The following GRM5 variants were observed in gnomAD, a reference collection of about 807,000 sequenced individuals.
GRM5 encodes the protein glutamate metabotropic receptor 5.
A neutral mutation model predicts 83.1 loss-of-function variants in GRM5; 19 were observed. The ratio of observed to expected loss-of-function variants is 0.23; its 90% CI spans 0.16 to 0.34. The LOEUF is 0.34. Among genes scored for constraint, GRM5 ranks in the 10% least tolerant of loss-of-function variants. The pLI is 1.00. For missense variants in GRM5, 1,160 were observed against 1,588.3 expected (o/e 0.73, Z 4.58); for synonymous variants, 675 against 633.6 (o/e 1.07, Z -0.98).
chr11:88,627,692 T>C (rs1938840851), intron 4 of GRM5, among the ~76,000 whole-genome samples: 1 of 152,138 alleles, frequency 6.6e-6, no homozygotes, highest in African/African-American at 2.4e-5. Context: ...CACCCTTGTC[T>C]TCTCCCTTTC....
intron 3 of GRM5, among the ~76,000 whole-genome samples, chr11:88,677,127 G>A (rs1221757879): frequency 1.3e-5 from 2 of 151,968 alleles, no homozygotes; most frequent in African/African-American, 4.8e-5. Flanking sequence ...GTCCAGTAAA[G>A]TTAATTTTAC....
At chr11:88,986,684 T>G (rs143768909) in intron 2 of GRM5, among the ~76,000 whole-genome samples, 1 of 149,844 alleles carries the variant, frequency 6.7e-6, no homozygotes, top group East Asian at 2.0e-4. Flanking sequence ...TCCTTTGCTG[T>G]ACAGAAATTT....
chr11:88,552,074 G>A (rs181801047), intron 8 of GRM5, among the ~76,000 whole-genome samples: 8 of 150,496 alleles, frequency 5.3e-5, no homozygotes, highest in Admixed American at 2.6e-4. Context: ...GCCCAGGCTG[G>A]AGTGCAGTGG....
intron 3 of GRM5, among the ~76,000 whole-genome samples, chr11:88,782,623 A>AT (rs1942995539): frequency 6.6e-6 from 1 of 152,060 alleles, no homozygotes. Flanking sequence ...ATATCACCTT[A>AT]TATATATTGG....
At chr11:88,602,369 A>G (rs1361206417) in intron 5 of GRM5, among the ~76,000 whole-genome samples, 2 of 152,206 alleles carry the variant, frequency 1.3e-5, no homozygotes, top group Non-Finnish European at 2.9e-5. Context: ...TAGTAGACTA[A>G]TCAGATGAGA....
chr11:88,634,892 G>A (rs1001173007), intron 4 of GRM5, among the ~76,000 whole-genome samples: 3 of 152,118 alleles, frequency 2.0e-5, no homozygotes, highest in Non-Finnish European at 4.4e-5. Context: ...ACATCACTAG[G>A]CAACAATAAT....
At chr11:88,528,595 T>G (rs2135113588) in intron 8 of GRM5, among the ~76,000 whole-genome samples, 1 of 152,194 alleles carries the variant, frequency 6.6e-6, no homozygotes, top group Admixed American at 6.5e-5. Flanking sequence ...AAATTTCATT[T>G]CTTTTACATA....
At chr11:88,751,200 G>A (rs1808046880) in intron 3 of GRM5, among the ~76,000 whole-genome samples, 2 of 148,274 alleles carry the variant, frequency 1.3e-5, no homozygotes, top group African/African-American at 5.0e-5. Flanking sequence ...TAATAAAACA[G>A]ACCACTAGCT....
At chr11:88,701,133 T>G (rs921890895) in intron 3 of GRM5, among the ~76,000 whole-genome samples, 2 of 152,142 alleles carry the variant, frequency 1.3e-5, no homozygotes. Flanking sequence ...CCTTTTAGAT[T>G]TAGCTGCCAC....
chr11:88,979,489 A>C (rs1381665310), intron 2 of GRM5, among the ~76,000 whole-genome samples: 1 of 152,196 alleles, frequency 6.6e-6, no homozygotes, highest in Admixed American at 6.5e-5. Flanking sequence ...TATTACAAAA[A>C]TATTAATCCT....
At chr11:88,536,898 G>GAAAAACTT (rs1942147566) in intron 8 of GRM5, among the ~76,000 whole-genome samples, 1 of 152,062 alleles carries the variant, frequency 6.6e-6, no homozygotes, top group Non-Finnish European at 1.5e-5. Flanking sequence ...CATTATTATA[G>GAAAAACTT]AAAAACTTTC....
intron 3 of GRM5, among the ~76,000 whole-genome samples, chr11:88,847,254 C>T (rs1351698371): frequency 6.6e-6 from 1 of 152,072 alleles, no homozygotes; most frequent in Non-Finnish European, 1.5e-5. Context: ...CTTATATGAC[C>T]TTCTATCTAA....
At chr11:88,556,003 A>G (rs1365193006) in intron 8 of GRM5, among the ~76,000 whole-genome samples, 1 of 152,110 alleles carries the variant, frequency 6.6e-6, no homozygotes, top group African/African-American at 2.4e-5. Flanking sequence ...AAACTCACAA[A>G]CCGCCTTTAA....
chr11:88,772,849 T>C (rs976725300), intron 3 of GRM5, among the ~76,000 whole-genome samples: 2 of 152,228 alleles, frequency 1.3e-5, no homozygotes, highest in Admixed American at 6.5e-5. Flanking sequence ...CAGTCTATCA[T>C]TGATGGACAT....
intron 2 of GRM5, among the ~76,000 whole-genome samples, chr11:89,013,384 A>G (rs1393001142): frequency 6.6e-6 from 1 of 152,192 alleles, no homozygotes; most frequent in Non-Finnish European, 1.5e-5. Flanking sequence ...TTATAGCTTT[A>G]AAAGCACAAG....
chr11:88,804,113 T>C (rs1751055610), intron 3 of GRM5, among the ~76,000 whole-genome samples: 2 of 152,178 alleles, frequency 1.3e-5, no homozygotes, highest in Admixed American at 6.5e-5. Flanking sequence ...TCAACCCTTG[T>C]GGAAGTCAGT....
intron 1 of GRM5, among the ~76,000 whole-genome samples, chr11:89,053,844 C>G (rs1941813909): frequency 6.6e-6 from 1 of 152,160 alleles, no homozygotes. Flanking sequence ...AGAGAAACAA[C>G]ATTCCAGGTA....
rs1056564488 is a variant in GRM5 at position 88,666,212 on chromosome 11, C to T, written c.912-12809G>A. Among the ~76,000 whole-genome samples the T allele has an allele frequency of 2.6e-5, 4 of 152,246 alleles. No individual in the cohort carries two copies. In the East Asian group the frequency reaches 5.8e-4, roughly 22 times the overall value. On this transcript the variant is annotated intron_variant, in intron 3 of 9. Coordinates refer to ENST00000305447, the MANE Select transcript of GRM5 (RefSeq NM_001143831.3). Reference sequence around the variant, plus strand: ...TTGTAATTGTTCATTAGTCTATTTCCTGTTGTTTATAAGAGAATGCCCACA... The same window carrying T: ...TTGTAATTGTTCATTAGTCTATTTCTTGTTGTTTATAAGAGAATGCCCACA...
At chr11:88,765,994 A>G (rs1460467372) in intron 3 of GRM5, among the ~76,000 whole-genome samples, 5 of 151,808 alleles carry the variant, frequency 3.3e-5, no homozygotes, top group African/African-American at 1.2e-4. Context: ...ACTCAACAAC[A>G]AAATCACTCT....
Sources: allele counts gnomAD v4.1 joint callset (sites outside exome capture counted in the v4.1 genomes callset), GRCh38; gene constraint gnomAD v4.1.1; transcripts MANE v1.5; gene names NCBI Gene and HGNC (gene_info 2026-07-23, HGNC 2026-07-21).